The following NT5C3A variants were observed in gnomAD, a reference collection of about 807,000 sequenced individuals.
NT5C3A encodes 5'-nucleotidase, cytosolic IIIA.
Under a neutral mutation model 40.0 loss-of-function variants are expected in NT5C3A, and 23 were observed. The observed-to-expected ratio is 0.58, with a 90% confidence interval of 0.41 to 0.81. The LOEUF is 0.81. NT5C3A is among the 40% of genes least tolerant of loss of function. The probability of loss-of-function intolerance (pLI) is 0.00; values close to 1 mark genes in which losing one functional copy is unlikely to be tolerated. For missense variants in NT5C3A, 328 were observed against 403.0 expected, an observed-to-expected ratio of 0.81 and a Z score of 1.59; for synonymous variants, 130 against 141.4, an observed-to-expected ratio of 0.92 and a Z score of 0.57.
chr7:33,052,423 T>C (rs1787404622), intron 1 of NT5C3A, among the ~76,000 whole-genome samples: 2 of 141,336 alleles, frequency 1.4e-5, no homozygotes. Context: ...GAGACAGAGG[T>C]TGCAGTGAGC....
intron 1 of NT5C3A, chr7:33,045,981 G>C (rs547668777): frequency 6.6e-6 from 1 of 152,356 alleles, no homozygotes; most frequent in South Asian, 2.1e-4. Flanking sequence ...GCCGAACTTA[G>C]TGCAGACACT....
At chr7:33,041,269 T>C (rs972047611) in intron 1 of NT5C3A, 1 of 337,466 alleles carries the variant, frequency 3.0e-6, no homozygotes, top group African/African-American at 2.2e-5. Context: ...TATTCTATTT[T>C]AATACAAAGT....
intron 1 of NT5C3A, among the ~76,000 whole-genome samples, chr7:33,035,198 T>G (rs902073684): frequency 2.0e-5 from 3 of 146,790 alleles, no homozygotes; most frequent in Non-Finnish European, 4.5e-5. Flanking sequence ...AGTTTTTTTT[T>G]TTTTTTTTTT....
chr7:33,018,616 G>A (rs934910477), intron 6 of NT5C3A, among the ~76,000 whole-genome samples: 1 of 151,960 alleles, frequency 6.6e-6, no homozygotes, highest in Non-Finnish European at 1.5e-5. Context: ...TTTGGGAGGC[G>A]GAGATGCGCA....
intron 1 of NT5C3A, chr7:33,038,747 A>C (rs1245608323): frequency 2.4e-6 from 1 of 424,836 alleles, no homozygotes; most frequent in East Asian, 7.1e-5. Flanking sequence ...AAGACACTGA[A>C]AATTAGGGCA....
At chr7:33,059,887 A>C (rs746675710) in intron 1 of NT5C3A, among the ~76,000 whole-genome samples, 3 of 152,044 alleles carry the variant, frequency 2.0e-5, no homozygotes, top group East Asian at 1.9e-4. Flanking sequence ...TCCTAAATTT[A>C]TTTCTTTCCA....
At chr7:33,050,928 T>C (rs969096510) in intron 1 of NT5C3A, among the ~76,000 whole-genome samples, 3 of 152,054 alleles carry the variant, frequency 2.0e-5, no homozygotes, top group Non-Finnish European at 4.4e-5. Flanking sequence ...CACCTGCTGA[T>C]GGAAAAACTG....
At chr7:33,038,906 A>C (rs1308553811) in intron 1 of NT5C3A, 1 of 456,556 alleles carries the variant, frequency 2.2e-6, no homozygotes, top group East Asian at 6.9e-5. Flanking sequence ...CAAAAATAGA[A>C]AATACTGCCC....
chr7:33,017,054 A>G, intron 7 of NT5C3A: 1 of 174,476 alleles, frequency 5.7e-6, no homozygotes, highest in East Asian at 1.6e-4. Flanking sequence ...GTGGTGGCAG[A>G]CGCTTGTAAT....
At chr7:33,033,384 T>C (rs745855818) in intron 1 of NT5C3A, among the ~76,000 whole-genome samples, 10 of 152,234 alleles carry the variant, frequency 6.6e-5, no homozygotes, top group African/African-American at 1.4e-4. Context: ...CGATTTCCCT[T>C]GCTTATTACA....
At chr7:33,022,186 CA>C in intron 3 of NT5C3A, 87 bp from the exon 4 acceptor site, 1 of 738,290 alleles carries the variant, frequency 1.4e-6, no homozygotes, top group Non-Finnish European at 2.4e-6. Context: ...AAAGTAATGG[CA>C]AAAAACTCAA....
At chr7:33,026,448 G>A (rs1209274416) in intron 2 of NT5C3A, among the ~76,000 whole-genome samples, 7 of 150,772 alleles carry the variant, frequency 4.6e-5, no homozygotes, top group East Asian at 1.9e-4. Context: ...TCCGCCTCCC[G>A]GGGTTAAGTG....
chr7:33,016,281 G>A (rs965288283), intron 7 of NT5C3A, among the ~76,000 whole-genome samples: 5 of 151,612 alleles, frequency 3.3e-5, no homozygotes, highest in Admixed American at 6.6e-5. Flanking sequence ...GGCTGAGGAA[G>A]GAGAATCGCC....
In NT5C3A at chr7:33,019,915, GT is replaced by G; in HGVS notation, c.441-192del. Among the ~76,000 whole-genome samples, 5 of 152,250 alleles carry G rather than the reference GT, an allele frequency of 3.3e-5. No individual in the cohort carries two copies. The South Asian group carries it at 1.0e-3, about 32-fold the overall frequency. On this transcript the variant is annotated intron_variant, in intron 5 of 8. Transcript: ENST00000610140. Reference sequence around the variant, plus strand: ...AATGTGATATGCATGTTCTTACTGAGTTTCCCAGTCCTCCCAAACCCAGACT... The same window carrying G: ...AATGTGATATGCATGTTCTTACTGAGTTCCCAGTCCTCCCAAACCCAGACT...
intron 1 of NT5C3A, among the ~76,000 whole-genome samples, chr7:33,048,451 G>A (rs933007653): frequency 2.6e-5 from 4 of 152,088 alleles, no homozygotes; most frequent in African/African-American, 9.7e-5. Context: ...TCACATGACT[G>A]GAAACCCATG....
intron 1 of NT5C3A, among the ~76,000 whole-genome samples, chr7:33,051,916 TA>T (rs1787384869): frequency 6.6e-6 from 1 of 152,120 alleles, no homozygotes; most frequent in Non-Finnish European, 1.5e-5. Context: ...AAAACCGATT[TA>T]AAAAATATAT....
intron 1 of NT5C3A, chr7:33,040,827 A>T: frequency 1.1e-6 from 1 of 916,950 alleles, no homozygotes. Context: ...GAATCACATA[A>T]AGTTAGACAA....
intron 5 of NT5C3A, 146 bp downstream of exon 5, chr7:33,021,126 A>G: frequency 1.0e-6 from 1 of 1,003,842 alleles, no homozygotes; most frequent in Non-Finnish European, 1.4e-6. Context: ...AGATAATTAG[A>G]GCTCATTTTG....
At chr7:33,017,942 G>A (rs1459100798) in intron 6 of NT5C3A, among the ~76,000 whole-genome samples, 1 of 152,254 alleles carries the variant, frequency 6.6e-6, no homozygotes, top group African/African-American at 2.4e-5. Flanking sequence ...CTATTTGGGA[G>A]GCTGAGGCTT....
Sources: gnomAD v4.1 joint callset for allele counts (sites outside exome capture counted in the v4.1 genomes callset) on GRCh38, gnomAD v4.1.1 for gene constraint, MANE v1.5 for transcripts, NCBI Gene and HGNC (gene_info 2026-07-23, HGNC 2026-07-21) for gene names.